The following BCL2 variants were observed in gnomAD, a reference collection of about 807,000 sequenced individuals.
The protein encoded by BCL2 is BCL2 apoptosis regulator.
BCL2 carries 1 observed loss-of-function variant against 14.2 expected under a neutral mutation model. The ratio of observed to expected loss-of-function variants is 0.07; its 90% CI spans 0.02 to 0.33. BCL2 has a LOEUF of 0.33. BCL2 is among the 10% of genes least tolerant of loss of function. BCL2 has a pLI of 0.99. For missense variants in BCL2, 247 were observed against 305.9 expected (o/e 0.81, Z 1.44); for synonymous variants, 151 against 137.2 (o/e 1.10, Z -0.70).
chr18:63,207,849 T>C (rs1909883927), intron 2 of BCL2: 1 of 152,202 alleles, frequency 6.6e-6, no homozygotes, highest in Admixed American at 6.5e-5. Context: ...ACTCTATTAA[T>C]GCTATATGGT....
At chr18:63,135,097 A>C (rs1914175447) in intron 2 of BCL2, among the ~76,000 whole-genome samples, 1 of 152,208 alleles carries the variant, frequency 6.6e-6, no homozygotes, top group South Asian at 2.1e-4. Flanking sequence ...TGAAACTTTG[A>C]CAGGTAAAGC....
intron 2 of BCL2, among the ~76,000 whole-genome samples, chr18:63,139,242 C>T (rs540924274): frequency 9.2e-5 from 14 of 152,246 alleles, no homozygotes; most frequent in African/African-American, 3.1e-4. Flanking sequence ...ATTCAAAAGA[C>T]GTACTTCTGA....
Position 63,243,569 on chromosome 18 carries a change from C to T in BCL2, c.585+74513G>A, listed in dbSNP as rs73473353. On this transcript the variant is annotated intron_variant, in intron 2 of 2. Coordinates refer to ENST00000333681, the MANE Select transcript of BCL2 (RefSeq NM_000633.3). ...CATTAAAAAATTCACCAGCATCCCA[C>T]TGTGAAGTCTGTGCAGGGAGGAGGG... 6.5e-3 allele frequency among the ~76,000 whole-genome samples: 992 copies of T among 152,278 alleles called. 13 individuals carry two copies. Among genetic ancestry groups the T allele is most frequent in the African/African-American group, 0.023 (939 of 41,564 alleles).
chr18:63,239,301 A>T (rs1471448165), intron 2 of BCL2, among the ~76,000 whole-genome samples: 1 of 152,254 alleles, frequency 6.6e-6, no homozygotes, highest in African/African-American at 2.4e-5. Context: ...GCCTCCCCTG[A>T]GCATCTCTTA....
At position 63,212,106 on chromosome 18, in the gene BCL2, T is replaced by C. The variant is rs938522256; in HGVS notation, c.586-83347A>G. Among the ~76,000 whole-genome samples, 5 of 151,836 alleles carry C rather than the reference T, an allele frequency of 3.3e-5. No individual in the cohort carries two copies. The East Asian group carries it at 9.7e-4, about 29-fold the overall frequency. ...ACTTTGGGAGGCTGAGGCAGGTGGA[T>C]CACAAGGTCAGGAGTTCGAGACCAT... is the stretch of plus-strand genomic sequence containing the variant. On this transcript the variant is annotated intron_variant, in intron 2 of 2. Coordinates refer to ENST00000333681, the MANE Select transcript of BCL2 (RefSeq NM_000633.3).
At chr18:63,167,611 T>G (rs139002522) in intron 2 of BCL2, among the ~76,000 whole-genome samples, 71 of 151,534 alleles carry the variant, frequency 4.7e-4, no homozygotes, top group Non-Finnish European at 8.5e-4. Context: ...AAGACCTCCA[T>G]CTCTACAAAA....
chr18:63,132,832 T>C (rs1914105504), intron 2 of BCL2, among the ~76,000 whole-genome samples: 1 of 152,228 alleles, frequency 6.6e-6, no homozygotes, highest in Non-Finnish European at 1.5e-5. Context: ...ATTTTATGTA[T>C]TAAAAGCAAC....
At chr18:63,299,414 G>C (rs998464568) in intron 2 of BCL2, among the ~76,000 whole-genome samples, 2 of 152,218 alleles carry the variant, frequency 1.3e-5, no homozygotes, top group Non-Finnish European at 2.9e-5. Flanking sequence ...CCTTGGGGCA[G>C]CTGCCCAGCA....
chr18:63,268,498 T>C (rs1911904030), intron 2 of BCL2, among the ~76,000 whole-genome samples: 1 of 152,204 alleles, frequency 6.6e-6, no homozygotes, highest in African/African-American at 2.4e-5. Flanking sequence ...GTTCCTAACC[T>C]TGCCCCAGCT....
intron 2 of BCL2, among the ~76,000 whole-genome samples, chr18:63,139,720 C>T (rs56313983): frequency 0.051 from 7,741 of 152,272 alleles, 302 homozygotes; most frequent in Non-Finnish European, 0.076. Flanking sequence ...GGCTTTAAAA[C>T]GAAGTTTCTT....
intron 2 of BCL2, among the ~76,000 whole-genome samples, chr18:63,168,346 T>C (rs564517223): frequency 1.5e-4 from 23 of 152,262 alleles, no homozygotes; most frequent in African/African-American, 4.8e-4. Flanking sequence ...CTGGGCAACA[T>C]AGCAAGACCT....
intron 2 of BCL2, among the ~76,000 whole-genome samples, chr18:63,190,816 C>T (rs1415890579): frequency 6.6e-6 from 1 of 151,930 alleles, no homozygotes; most frequent in Admixed American, 6.5e-5. Context: ...GGTATTAAGC[C>T]CCACATGCAT....
chr18:63,283,802 A>G (rs892427875), intron 2 of BCL2, among the ~76,000 whole-genome samples: 1 of 152,228 alleles, frequency 6.6e-6, no homozygotes, highest in Non-Finnish European at 1.5e-5. Flanking sequence ...GTAATGGATG[A>G]AACCATGAAG....
At chr18:63,221,099 C>T (rs989559346) in intron 2 of BCL2, among the ~76,000 whole-genome samples, 1 of 152,202 alleles carries the variant, frequency 6.6e-6, no homozygotes, top group African/African-American at 2.4e-5. Flanking sequence ...AAAGTGACCA[C>T]TCTTTGAGGT....
chr18:63,275,800 G>T (rs1358675128), intron 2 of BCL2, among the ~76,000 whole-genome samples: 2 of 152,232 alleles, frequency 1.3e-5, no homozygotes, highest in African/African-American at 4.8e-5. Flanking sequence ...ATCCCACTGG[G>T]GTGCCCACGT....
rs765099240 is a variant in BCL2, at chr18:63,169,265, T to TCCC, written c.586-40507_586-40506insGGG. On this transcript the variant is annotated intron_variant, in intron 2 of 2. Transcript: ENST00000333681. ...CTTCGTGTTTTTCTTTCTTTCTTTC[T>TCCC]TTCTTTCTTTCTTTCTTTCTTTCTT... 5.3e-3 allele frequency among the ~76,000 whole-genome samples: 285 copies of TCCC among 53,804 alleles called. 24 individuals are homozygous for TCCC. The highest frequency in any genetic ancestry group is 0.037 in the African/African-American group (272 of 7,366). 35.3% of individuals were successfully genotyped at this position (53,804 alleles called of 152,430 possible).
At chr18:63,156,177 C>G (rs1688998155) in intron 2 of BCL2, among the ~76,000 whole-genome samples, 1 of 150,210 alleles carries the variant, frequency 6.7e-6, no homozygotes, top group Non-Finnish European at 1.5e-5. Context: ...CAAGAGCCAA[C>G]ATAGAGTCTT....
chr18:63,275,248 AG>A (rs35366804), intron 2 of BCL2, among the ~76,000 whole-genome samples: 29 of 150,822 alleles, frequency 1.9e-4, no homozygotes, highest in Admixed American at 1.3e-3. Flanking sequence ...AAAAAAAAAA[AG>A]GGAAATAATT....
chr18:63,182,979 C>T (rs1210021723), intron 2 of BCL2, among the ~76,000 whole-genome samples: 2 of 152,196 alleles, frequency 1.3e-5, no homozygotes, highest in Non-Finnish European at 2.9e-5. Flanking sequence ...GTTGAAGCCA[C>T]GGTACTGCCT....
Sources: allele counts gnomAD v4.1 joint callset (sites outside exome capture counted in the v4.1 genomes callset), GRCh38; gene constraint gnomAD v4.1.1; transcripts MANE v1.5; gene names NCBI Gene and HGNC (gene_info 2026-07-23, HGNC 2026-07-21).